The following MARK3 variants were observed in gnomAD, a reference collection of about 807,000 sequenced individuals.
MARK3 encodes MAP/microtubule affinity-regulating kinase 3.
Under a neutral mutation model 90.1 loss-of-function variants are expected in MARK3, and 46 were observed. The observed-to-expected ratio is 0.51, with a 90% CI of 0.40 to 0.65. MARK3 has a LOEUF of 0.65. Ranked by LOEUF, MARK3 falls within the 30% of genes least tolerant of loss-of-function variation. The pLI is 0.00. For missense variants in MARK3, 818 were observed against 947.2 expected (o/e 0.86, Z 1.79); for synonymous variants, 321 against 332.6 (o/e 0.97, Z 0.38).
At chr14:103,416,730 C>T (rs979840867) in intron 2 of MARK3, among the ~76,000 whole-genome samples, 1 of 152,126 alleles carries the variant, frequency 6.6e-6, no homozygotes, top group African/African-American at 2.4e-5. Context: ...CGAGATCGCA[C>T]CACTGCAGTC....
intron 6 of MARK3, among the ~76,000 whole-genome samples, chr14:103,459,184 T>C (rs2093344312): frequency 6.6e-6 from 1 of 152,200 alleles, no homozygotes; most frequent in African/African-American, 2.4e-5. Context: ...CAAACATGTG[T>C]GAAGATGGCT....
intron 2 of MARK3, among the ~76,000 whole-genome samples, chr14:103,410,764 T>A (rs1434156016): frequency 6.6e-6 from 1 of 151,118 alleles, no homozygotes; most frequent in East Asian, 1.9e-4. Context: ...TTTTTTAATC[T>A]TAGTGATTTA....
chr14:103,438,096 G>A (rs1306108584), intron 3 of MARK3, among the ~76,000 whole-genome samples: 4 of 152,042 alleles, frequency 2.6e-5, no homozygotes, highest in South Asian at 2.1e-4. Flanking sequence ...CACCTCCCTG[G>A]TTCAAGTGAT....
intron 12 of MARK3, among the ~76,000 whole-genome samples, chr14:103,473,708 G>T (rs372375207): frequency 3.2e-4 from 49 of 151,982 alleles, no homozygotes; most frequent in African/African-American, 1.2e-3. Flanking sequence ...CCCCACTCCC[G>T]GTTTTTGTTT....
At chr14:103,450,886 G>GTGTGTGTA (rs1555389285) in intron 4 of MARK3, among the ~76,000 whole-genome samples, 1 of 20,634 alleles carries the variant, frequency 4.8e-5, no homozygotes, top group Non-Finnish European at 1.2e-4. Flanking sequence ...GTGTGTGTGT[G>GTGTGTGTA]TGTGTGTGTG....
intron 14 of MARK3, among the ~76,000 whole-genome samples, chr14:103,484,285 C>G (rs544536211): frequency 1.3e-5 from 2 of 151,562 alleles, no homozygotes; most frequent in South Asian, 2.1e-4. Context: ...TCATGCAGTT[C>G]TTCTGCCTCA....
chr14:103,455,993 A>G (rs1016462080), intron 5 of MARK3, among the ~76,000 whole-genome samples: 5 of 152,308 alleles, frequency 3.3e-5, no homozygotes, highest in African/African-American at 7.2e-5. Flanking sequence ...ATTCTTTTCT[A>G]TTGATTTCAG....
intron 7 of MARK3, among the ~76,000 whole-genome samples, chr14:103,464,341 CTGGCTAGAGTGCAG>C (rs1180344868): frequency 1.7e-5 from 2 of 120,800 alleles, no homozygotes; most frequent in Admixed American, 2.3e-4. Context: ...CTTTGTTGCC[CTGGCTAGAGTGCAG>C]TGGTGCGATC....
intron 2 of MARK3, among the ~76,000 whole-genome samples, chr14:103,425,780 C>T (rs1217354488): frequency 4.6e-5 from 7 of 152,198 alleles, no homozygotes; most frequent in Admixed American, 4.6e-4. Context: ...CGTTTTCCCT[C>T]CACTCCTTCC....
At chr14:103,447,800 G>A (rs940687102) in intron 3 of MARK3, among the ~76,000 whole-genome samples, 2 of 152,002 alleles carry the variant, frequency 1.3e-5, no homozygotes, top group African/African-American at 4.8e-5. Context: ...TTTTGAGACA[G>A]GGTCTCGCTT....
At chr14:103,462,604 T>C (rs1055028895) in intron 7 of MARK3, 143 bp downstream of exon 7, 4 of 505,268 alleles carry the variant, frequency 7.9e-6, no homozygotes, top group African/African-American at 3.8e-5. Context: ...AATCAAGTTA[T>C]GGGAAAGAGC....
intron 1 of MARK3, among the ~76,000 whole-genome samples, chr14:103,404,328 T>TAAC (rs1269439820): frequency 6.6e-6 from 1 of 152,084 alleles, no homozygotes; most frequent in Non-Finnish European, 1.5e-5. Flanking sequence ...GGGCAGGAGT[T>TAAC]AACAGCCACA....
chr14:103,498,267 T>C (rs1259646057), intron 15 of MARK3, among the ~76,000 whole-genome samples: 1 of 152,148 alleles, frequency 6.6e-6, no homozygotes, highest in African/African-American at 2.4e-5. Flanking sequence ...AATGTCAATA[T>C]GTACTGCTAA....
At chr14:103,435,558 G>A (rs1293028016) in intron 3 of MARK3, among the ~76,000 whole-genome samples, 1 of 151,896 alleles carries the variant, frequency 6.6e-6, no homozygotes, top group African/African-American at 2.4e-5. Context: ...ACAAGCACCC[G>A]CCACCACGCC....
chr14:103,468,298 G>T, intron 12 of MARK3, 112 bp downstream of exon 12: 4 of 441,556 alleles, frequency 9.1e-6, no homozygotes, highest in South Asian at 6.1e-5. Flanking sequence ...TCTTGGCATT[G>T]CTTTCTTTCT....
intron 2 of MARK3, among the ~76,000 whole-genome samples, chr14:103,411,959 T>A (rs1170113195): frequency 6.6e-6 from 1 of 151,686 alleles, no homozygotes; most frequent in Non-Finnish European, 1.5e-5. Flanking sequence ...AGCTTTTTTT[T>A]TTTTTTGGTC....
At chr14:103,396,513 G>C (rs1328688018) in intron 1 of MARK3, among the ~76,000 whole-genome samples, 2 of 152,090 alleles carry the variant, frequency 1.3e-5, no homozygotes, top group Admixed American at 6.6e-5. Context: ...TTTATAACCA[G>C]ACTTGGATTA....
At chr14:103,436,630 T>G (rs1304445441) in intron 3 of MARK3, among the ~76,000 whole-genome samples, 2 of 152,098 alleles carry the variant, frequency 1.3e-5, no homozygotes, top group African/African-American at 2.4e-5. Flanking sequence ...ATTGATTGAT[T>G]GAGGCTGGGT....
intron 15 of MARK3, among the ~76,000 whole-genome samples, chr14:103,493,174 T>C (rs1182198654): frequency 1.3e-5 from 2 of 151,762 alleles, no homozygotes; most frequent in Non-Finnish European, 2.9e-5. Flanking sequence ...CATCTGAAAC[T>C]TCGGTGAGTC....
Sources: allele counts gnomAD v4.1 joint callset (sites outside exome capture counted in the v4.1 genomes callset), GRCh38; gene constraint gnomAD v4.1.1; transcripts MANE v1.5; gene names NCBI Gene and HGNC (gene_info 2026-07-23, HGNC 2026-07-21).